The following NRXN1 variants were observed in gnomAD, a reference collection of about 807,000 sequenced individuals.
The protein encoded by NRXN1 is neurexin 1.
Under a neutral mutation model 150.9 loss-of-function variants are expected in NRXN1, and 39 were observed. The ratio of observed to expected loss-of-function variants is 0.26; its 90% CI spans 0.20 to 0.34. The LOEUF (loss-of-function observed/expected upper bound fraction) is 0.34. Ranked by LOEUF, NRXN1 falls within the 10% of genes least tolerant of loss-of-function variation. The probability of loss-of-function intolerance (pLI) is 1.00; values close to 1 mark genes in which losing one functional copy is unlikely to be tolerated. For missense variants in NRXN1, 1,815 were observed against 1,949.9 expected (o/e 0.93, Z 1.30); for synonymous variants, 924 against 757.0 (o/e 1.22, Z -3.62).
chr2:50,951,187 C>T (rs1355172768), intron 2 of NRXN1, among the ~76,000 whole-genome samples: 1 of 152,000 alleles, frequency 6.6e-6, no homozygotes, highest in African/African-American at 2.4e-5. Flanking sequence ...TTGGGGGCAA[C>T]CTGAGGGACA....
chr2:50,766,415 A>G (rs2105419035), intron 5 of NRXN1, among the ~76,000 whole-genome samples: 1 of 152,178 alleles, frequency 6.6e-6, no homozygotes, highest in Middle Eastern at 3.4e-3. Context: ...AGAAAACTCA[A>G]AGAATCTTCT....
chr2:50,672,589 AC>A (rs1338179544), intron 5 of NRXN1, among the ~76,000 whole-genome samples: 1 of 151,840 alleles, frequency 6.6e-6, no homozygotes, highest in Non-Finnish European at 1.5e-5. Context: ...ATGGTCCTCC[AC>A]CCCCATTTCA....
intron 8 of NRXN1, among the ~76,000 whole-genome samples, chr2:50,560,096 C>G (rs1197551222): frequency 6.6e-6 from 1 of 152,146 alleles, no homozygotes; most frequent in East Asian, 1.9e-4. Context: ...TTTTTAAAAT[C>G]TTTGCACCCA....
chr2:50,254,778 C>T (rs1183276898), intron 17 of NRXN1, among the ~76,000 whole-genome samples: 1 of 152,074 alleles, frequency 6.6e-6, no homozygotes, highest in South Asian at 2.1e-4. Context: ...TAAAGTTCAG[C>T]CATTTCTGTG....
chr2:50,425,923 A>G lies in NRXN1; in HGVS notation c.3364+39519T>C, dbSNP rs75896462. On this transcript the variant is annotated intron_variant, in intron 17 of 22. Transcript: ENST00000401669. ...AAAAACAGAAAATACAGGCTACTAAAGAGGAGGCACACTGGGCATGCCAAA... is the reference window on the plus strand; with the variant it reads ...AAAAACAGAAAATACAGGCTACTAAGGAGGAGGCACACTGGGCATGCCAAA... Among the ~76,000 whole-genome samples the G allele has an allele frequency of 8.4e-3, 1,276 of 152,250 alleles. 41 individuals carry two copies. In the East Asian group the frequency reaches 0.11, roughly 14 times the overall value.
chr2:50,217,420 C>G (rs908932577), intron 18 of NRXN1, among the ~76,000 whole-genome samples: 1 of 151,842 alleles, frequency 6.6e-6, no homozygotes, highest in Non-Finnish European at 1.5e-5. Flanking sequence ...AGTTGAGAAA[C>G]TAAGTGATTA....
intron 2 of NRXN1, among the ~76,000 whole-genome samples, chr2:50,973,095 C>A (rs1362518152): frequency 6.6e-6 from 1 of 152,152 alleles, no homozygotes; most frequent in Admixed American, 6.6e-5. Flanking sequence ...TAACTATGAT[C>A]TCCTATTCAG....
chr2:50,581,848 A>C (rs565417997), intron 8 of NRXN1, among the ~76,000 whole-genome samples: 2 of 152,330 alleles, frequency 1.3e-5, no homozygotes, highest in South Asian at 4.1e-4. Flanking sequence ...ACAGTTACTT[A>C]GAGGCAGATC....
chr2:50,993,621 C>T (rs967188923), intron 2 of NRXN1, among the ~76,000 whole-genome samples: 7 of 152,056 alleles, frequency 4.6e-5, no homozygotes, highest in African/African-American at 1.7e-4. Flanking sequence ...AGGACACCAA[C>T]AGCTCATGCT....
chr2:50,952,047 A>C (rs1199839849), intron 2 of NRXN1, among the ~76,000 whole-genome samples: 2 of 140,818 alleles, frequency 1.4e-5, no homozygotes, highest in Admixed American at 1.5e-4. Flanking sequence ...GCTCACTGCA[A>C]GCTCCGCCTC....
intron 2 of NRXN1, among the ~76,000 whole-genome samples, chr2:50,936,668 G>C (rs1175460896): frequency 1.3e-5 from 2 of 152,054 alleles, no homozygotes; most frequent in Admixed American, 1.3e-4. Flanking sequence ...GAGTAGAAAA[G>C]TCACTGCTTT....
chr2:50,929,589 A>T (rs1006912370), intron 2 of NRXN1, among the ~76,000 whole-genome samples: 1 of 152,064 alleles, frequency 6.6e-6, no homozygotes, highest in South Asian at 2.1e-4. Flanking sequence ...CTTCTGTCCC[A>T]GATACCAGCA....
intron 2 of NRXN1, among the ~76,000 whole-genome samples, chr2:50,964,750 G>C (rs755795236): frequency 9.9e-5 from 15 of 151,386 alleles, no homozygotes; most frequent in Non-Finnish European, 1.5e-4. Flanking sequence ...TTTACCTTGA[G>C]ATACAGCTCC....
chr2:50,311,238 CA>C (rs773184898), intron 17 of NRXN1, among the ~76,000 whole-genome samples: 39 of 152,092 alleles, frequency 2.6e-4, no homozygotes, highest in Non-Finnish European at 5.1e-4. Context: ...AATCAAATCA[CA>C]ATGAAGTTTC....
chr2:50,020,234 C>T (rs1687363848), intron 21 of NRXN1, among the ~76,000 whole-genome samples: 1 of 152,060 alleles, frequency 6.6e-6, no homozygotes, highest in Admixed American at 6.5e-5. Context: ...TGTATCATCT[C>T]CTAAAGAAAG....
At chr2:50,227,335 A>G (rs1574608002) in intron 18 of NRXN1, among the ~76,000 whole-genome samples, 1 of 152,158 alleles carries the variant, frequency 6.6e-6, no homozygotes, top group South Asian at 2.1e-4. Context: ...AAATACTTAA[A>G]GAATACTATG....
At chr2:50,039,496 T>G (rs1690596374) in intron 21 of NRXN1, among the ~76,000 whole-genome samples, 2 of 152,124 alleles carry the variant, frequency 1.3e-5, no homozygotes, top group African/African-American at 4.8e-5. Flanking sequence ...GCAAAGAAAC[T>G]GTGCAAAGAG....
chr2:50,623,189 A>C (rs570692810), intron 6 of NRXN1, 125 bp downstream of exon 6: 1 of 707,226 alleles, frequency 1.4e-6, no homozygotes, highest in African/African-American at 1.8e-5. Flanking sequence ...TCTCAGAAGA[A>C]GAAAAAGCTA....
rs75836960 is a variant in NRXN1, at chr2:50,694,382, T to C, written c.833-70767A>G. ...TCTTAATGTATGGGTGAATATATAA[T>C]AGTTGGAATTAAACCATAAATCAGT... On this transcript the variant is annotated intron_variant, in intron 5 of 22. Coordinates refer to ENST00000401669, the MANE Select transcript of NRXN1 (RefSeq NM_001330078.2). Among the ~76,000 whole-genome samples the C allele has an allele frequency of 8.8e-3, 1,333 of 152,268 alleles. 18 individuals are homozygous for C. Among genetic ancestry groups the C allele is most frequent in the Non-Finnish European group, 8.9e-3 (605 of 68,022 alleles).
Sources: gnomAD v4.1 joint callset for allele counts (sites outside exome capture counted in the v4.1 genomes callset) on GRCh38, gnomAD v4.1.1 for gene constraint, MANE v1.5 for transcripts, NCBI Gene and HGNC (gene_info 2026-07-23, HGNC 2026-07-21) for gene names.